Variants in EFCAB6 observed in about 807,000 individuals in gnomAD.
EFCAB6 encodes EF-hand calcium binding domain 6, also known as EF-hand calcium-binding domain-containing protein 6.
Under a neutral mutation model 169.8 loss-of-function variants are expected in EFCAB6, and 156 were observed. The observed-to-expected ratio is 0.92, with a 90% CI of 0.81 to 1.05. The LOEUF is 1.05. EFCAB6 is among the 50% of genes least tolerant of loss of function. The pLI, the probability that EFCAB6 is intolerant of heterozygous loss-of-function variation, is 0.00. For missense variants in EFCAB6, 1,800 were observed against 1,829.1 expected (o/e 0.98, Z 0.29); for synonymous variants, 698 against 676.4 (o/e 1.03, Z -0.50).
chr22:43,736,182 A>G (rs1367029919), intron 6 of EFCAB6, among the ~76,000 whole-genome samples, 189 bp from the exon 7 acceptor site: 2 of 152,228 alleles, frequency 1.3e-5, no homozygotes, highest in African/African-American at 4.8e-5. Flanking sequence ...GAATGTTTTC[A>G]AGGCAATTTT....
At chr22:43,640,671 T>A (rs2147967966) in intron 17 of EFCAB6, among the ~76,000 whole-genome samples, 1 of 152,348 alleles carries the variant, frequency 6.6e-6, no homozygotes, top group South Asian at 2.1e-4. Context: ...AAATGGGAAC[T>A]CACTCTTGCT....
chr22:43,720,057 T>C (rs2147473069), intron 8 of EFCAB6, among the ~76,000 whole-genome samples: 1 of 152,286 alleles, frequency 6.6e-6, no homozygotes. Context: ...GATGGAGGTG[T>C]TAACTAATTT....
chr22:43,554,099 T>G (rs1216944426), intron 27 of EFCAB6: 2 of 152,386 alleles, frequency 1.3e-5, no homozygotes, highest in Admixed American at 6.5e-5. Context: ...GGGGACCGAC[T>G]GCCCACCTTC....
intron 17 of EFCAB6, among the ~76,000 whole-genome samples, chr22:43,652,490 T>C (rs1342538520): frequency 6.6e-6 from 1 of 152,176 alleles, no homozygotes; most frequent in East Asian, 1.9e-4. Context: ...ACCCAGGCTC[T>C]GAGTTAGAGC....
Position 43,810,298 on chromosome 22 carries a change from G to T in EFCAB6, c.-144-1167C>A, listed in dbSNP as rs6006552. ...GCCAGTAGTAGTATTAGTAGTTGCT[G>T]TAGTAGAAATAGAAGTAGTAAAACT... On this transcript the variant is annotated intron_variant, in intron 1 of 31. Coordinates refer to ENST00000262726, the MANE Select transcript of EFCAB6 (RefSeq NM_022785.4). 8.2e-3 allele frequency among the ~76,000 whole-genome samples: 1,242 copies of T among 152,326 alleles called. 20 individuals are homozygous for T. The highest frequency in any genetic ancestry group is 0.029 in the African/African-American group (1,197 of 41,576).
chr22:43,714,314 G>A (rs2059256527), intron 9 of EFCAB6, among the ~76,000 whole-genome samples: 2 of 152,066 alleles, frequency 1.3e-5, no homozygotes, highest in Non-Finnish European at 1.5e-5. Flanking sequence ...AAGGATAACA[G>A]GGACTACTGT....
intron 17 of EFCAB6, among the ~76,000 whole-genome samples, chr22:43,652,567 A>C (rs2056525015): frequency 2.6e-5 from 4 of 152,216 alleles, no homozygotes. Context: ...CCTTGCCAAA[A>C]TTCAATCCAG....
At chr22:43,589,453 C>G (rs930732945) in intron 24 of EFCAB6, among the ~76,000 whole-genome samples, 1 of 152,038 alleles carries the variant, frequency 6.6e-6, no homozygotes, top group Non-Finnish European at 1.5e-5. Flanking sequence ...CGTAGAACTA[C>G]GTGATTCCTG....
Position 43,580,656 on chromosome 22 carries a change from C to T in EFCAB6, c.3036G>A (p.Trp1012Ter). 6.2e-7 allele frequency: 1 copy of T among 1,613,448 alleles called. No individual in the cohort carries two copies. Among genetic ancestry groups the T allele is most frequent in the East Asian group, 2.2e-5 (1 of 44,884 alleles). Residue 1012 changes from tryptophan (W) to a stop codon, truncating the protein, a stop_gained, in exon 25 of 32, where the codon TGG (tryptophan) becomes TGA (stop). Coordinates refer to ENST00000262726, the MANE Select transcript of EFCAB6 (RefSeq NM_022785.4). LOFTEE classifies it high-confidence loss of function. The part of the protein sequence containing the change: ...EGELTHLLNS[W>*]GVSRHDNAIN... ...TAGCATTATCATGCCGGCTGACTCC[C>T]CAACTTGTCCCAAAAGGAAGAAAAG...
intron 8 of EFCAB6, among the ~76,000 whole-genome samples, chr22:43,721,126 A>G (rs1369298812): frequency 6.6e-6 from 1 of 152,206 alleles, no homozygotes; most frequent in Non-Finnish European, 1.5e-5. Context: ...CCCACGTGCA[A>G]TAGCCACAAA....
chr22:43,579,083 C>A (rs1458031773), intron 25 of EFCAB6, among the ~76,000 whole-genome samples: 1 of 149,690 alleles, frequency 6.7e-6, no homozygotes, highest in Non-Finnish European at 1.5e-5. Context: ...TCATTCCCTA[C>A]ACGCAGGCAT....
At position 43,628,088 on chromosome 22, in the gene EFCAB6, C is replaced by T. The variant is rs1222429578; in HGVS notation, c.2233-1409G>A. ...CTCTCAGCCCCAAGCCGCCACCCCC[C>T]TGACCCACAGCCTCACATCTCCAGT... On this transcript the variant is annotated intron_variant, in intron 19 of 31. Transcript: ENST00000262726. The surrounding 1 kb of genome is among the most constrained non-coding windows in gnomAD (Gnocchi z 4.8). Among the ~76,000 whole-genome samples the T allele has an allele frequency of 6.6e-6, 1 of 152,068 alleles. No individual in the cohort carries two copies. The highest frequency in any genetic ancestry group is 1.5e-5 in the Non-Finnish European group (1 of 68,010).
At chr22:43,575,358 GTTT>G (rs34543550) in intron 26 of EFCAB6, among the ~76,000 whole-genome samples, 2,328 of 104,886 alleles carry the variant, frequency 0.022, 71 homozygotes, top group East Asian at 0.15. Context: ...ATCCGGCTAT[GTTT>G]TTTTTTTTTT....
chr22:43,756,847 C>T (rs532447794), intron 5 of EFCAB6, among the ~76,000 whole-genome samples: 1 of 152,298 alleles, frequency 6.6e-6, no homozygotes, highest in East Asian at 1.9e-4. Flanking sequence ...GGCCATGAAG[C>T]CTTCCAGGCA....
intron 12 of EFCAB6, among the ~76,000 whole-genome samples, chr22:43,683,339 A>T (rs919172112): frequency 6.6e-6 from 1 of 152,206 alleles, no homozygotes; most frequent in Non-Finnish European, 1.5e-5. Context: ...TTTGGCACTA[A>T]GAAAATGCCC....
At chr22:43,681,812 C>G (rs1413066049) in intron 12 of EFCAB6, among the ~76,000 whole-genome samples, 3 of 152,068 alleles carry the variant, frequency 2.0e-5, no homozygotes, top group African/African-American at 7.2e-5. Context: ...ATAACAATAT[C>G]AAGACTAGGT....
chr22:43,734,446 G>C (rs535522530), intron 7 of EFCAB6, among the ~76,000 whole-genome samples: 1 of 152,222 alleles, frequency 6.6e-6, no homozygotes, highest in African/African-American at 2.4e-5. Context: ...AAAATTTGTG[G>C]AGTTATTATT....
At chr22:43,633,246 C>T (rs1287724864) in intron 18 of EFCAB6, among the ~76,000 whole-genome samples, 3 of 152,160 alleles carry the variant, frequency 2.0e-5, no homozygotes, top group African/African-American at 7.2e-5. Flanking sequence ...GAAGTGTAAC[C>T]TCTCCTTAAA....
chr22:43,740,751 C>T (rs2147737347), intron 6 of EFCAB6, among the ~76,000 whole-genome samples: 2 of 152,328 alleles, frequency 1.3e-5, no homozygotes, highest in South Asian at 4.2e-4. Context: ...CTCTGTCCTC[C>T]ACTCCACCGC....
Sources: allele counts gnomAD v4.1 joint callset (sites outside exome capture counted in the v4.1 genomes callset), GRCh38; gene constraint gnomAD v4.1.1; non-coding constraint Gnocchi (gnomAD v3.1); transcripts MANE v1.5; gene names NCBI Gene and HGNC (gene_info 2026-07-23, HGNC 2026-07-21).